SOX6: variants seen among roughly 807,000 people sequenced by gnomAD.
The protein encoded by SOX6 is transcription factor SOX-6.
In SOX6, 11 loss-of-function variants were observed where a neutral mutation model predicts 97.8. The observed-to-expected ratio is 0.11, with a 90% CI of 0.07 to 0.19. SOX6 has a LOEUF of 0.19. Ranked by LOEUF, SOX6 falls within the 10% of genes least tolerant of loss-of-function variation. SOX6 has a pLI of 1.00. For missense variants in SOX6, 810 were observed against 1,039.5 expected, an observed-to-expected ratio of 0.78 and a Z score of 3.04; for synonymous variants, 360 against 371.4, an observed-to-expected ratio of 0.97 and a Z score of 0.35.
chr11:16,683,038 G>T (rs1371550771), intron 3 of SOX6, among the ~76,000 whole-genome samples: 1 of 152,160 alleles, frequency 6.6e-6, no homozygotes, highest in Non-Finnish European at 1.5e-5. Flanking sequence ...GGATGTGAAG[G>T]ACCTCTTCAA....
intron 4 of SOX6, among the ~76,000 whole-genome samples, chr11:16,482,860 A>C (rs977153334): frequency 1.3e-5 from 2 of 152,198 alleles, no homozygotes; most frequent in Non-Finnish European, 2.9e-5. Context: ...AATGCTTTTA[A>C]GTGAAACTGC....
intron 13 of SOX6, among the ~76,000 whole-genome samples, chr11:16,011,942 T>C (rs1472129272): frequency 6.6e-6 from 1 of 152,060 alleles, no homozygotes; most frequent in African/African-American, 2.4e-5. Context: ...TTCTCCATGA[T>C]AATTATGTAT....
At chr11:16,117,407 G>A (rs182922176) in intron 6 of SOX6, among the ~76,000 whole-genome samples, 89 of 152,064 alleles carry the variant, frequency 5.9e-4, no homozygotes, top group South Asian at 5.0e-3. Context: ...CAAAGGCAAC[G>A]AGGGTCTATC....
At chr11:16,524,389 C>A in intron 4 of SOX6, among the ~76,000 whole-genome samples, 1 of 152,026 alleles carries the variant, frequency 6.6e-6, no homozygotes, top group Admixed American at 6.6e-5. Context: ...ACATGATTAT[C>A]TCAATAGATG....
chr11:16,673,639 G>A (rs1847863197), intron 3 of SOX6, among the ~76,000 whole-genome samples: 1 of 152,146 alleles, frequency 6.6e-6, no homozygotes, highest in Non-Finnish European at 1.5e-5. Context: ...CCCAGAACCT[G>A]ATGGCTTCAC....
intron 6 of SOX6, among the ~76,000 whole-genome samples, chr11:16,148,477 C>T (rs985332500): frequency 2.0e-5 from 3 of 152,050 alleles, no homozygotes; most frequent in South Asian, 2.1e-4. Flanking sequence ...CACCCAATGA[C>T]GGGCAAGAAT....
intron 1 of SOX6, among the ~76,000 whole-genome samples, chr11:16,365,071 C>T (rs542542113): frequency 9.2e-5 from 14 of 152,150 alleles, no homozygotes; most frequent in Admixed American, 1.3e-4. Flanking sequence ...TTAAGAGACA[C>T]GTTCACATAA....
chr11:16,568,864 C>G (rs541274214), intron 4 of SOX6, among the ~76,000 whole-genome samples: 1 of 152,158 alleles, frequency 6.6e-6, no homozygotes, highest in East Asian at 1.9e-4. Flanking sequence ...TTCACTTCTA[C>G]CTTTCTTCCT....
chr11:16,330,914 A>G (rs1856271528), intron 2 of SOX6, among the ~76,000 whole-genome samples: 1 of 152,032 alleles, frequency 6.6e-6, no homozygotes, highest in South Asian at 2.1e-4. Context: ...GCCCCCAGAT[A>G]AAAAAAGAAA....
At chr11:16,679,696 T>C (rs1024060537) in intron 3 of SOX6, among the ~76,000 whole-genome samples, 3 of 152,106 alleles carry the variant, frequency 2.0e-5, no homozygotes, top group African/African-American at 7.2e-5. Flanking sequence ...TTCTAACCCA[T>C]CACAAGGAAG....
intron 1 of SOX6, among the ~76,000 whole-genome samples, chr11:16,345,339 C>T (rs1417131690): frequency 6.6e-6 from 1 of 151,912 alleles, no homozygotes; most frequent in East Asian, 1.9e-4. Flanking sequence ...ACACATAAAA[C>T]TAAATTCCCA....
At chr11:16,620,171 T>G (rs4756856) in intron 3 of SOX6, among the ~76,000 whole-genome samples, 50,772 of 152,116 alleles carry the variant, frequency 0.33, 9,426 homozygotes, top group Non-Finnish European at 0.42. Context: ...AAGGAGAAAT[T>G]TGTAAAACTA....
intron 12 of SOX6, among the ~76,000 whole-genome samples, chr11:16,022,351 C>CTTCT: frequency 6.9e-6 from 1 of 145,958 alleles, no homozygotes; most frequent in African/African-American, 2.6e-5. Context: ...TCCTTCCTTC[C>CTTCT]TTCCTTCCTT....
chr11:16,379,126 A>G (rs1857729961), intron 1 of SOX6, among the ~76,000 whole-genome samples: 1 of 152,094 alleles, frequency 6.6e-6, no homozygotes, highest in Non-Finnish European at 1.5e-5. Flanking sequence ...TGACTCCAAA[A>G]TCTATACTAC....
chr11:16,718,092 C>T (rs1201175490), intron 2 of SOX6, among the ~76,000 whole-genome samples: 1 of 151,358 alleles, frequency 6.6e-6, no homozygotes, highest in African/African-American at 2.4e-5. Context: ...TTCTTTAGTC[C>T]TTGAAAGGGC....
At chr11:16,398,708 T>C (rs1858440849) in intron 1 of SOX6, among the ~76,000 whole-genome samples, 1 of 151,260 alleles carries the variant, frequency 6.6e-6, no homozygotes, top group Admixed American at 6.6e-5. Flanking sequence ...TATCCTGTTT[T>C]ATGTATTTCT....
chr11:16,186,973 A>C lies in SOX6; in HGVS notation c.536-18T>G. 4 of 1,613,630 alleles carry C rather than the reference A, an allele frequency of 2.5e-6. No individual in the cohort carries two copies. The highest frequency in any genetic ancestry group is 3.4e-6 in the Non-Finnish European group (4 of 1,179,700). Reference sequence around the variant, plus strand: ...AGGTGTACCTAAAATGGAAGCAAGAAGAGATCTCACAAGCTTGAGAAATAC... The same window carrying C: ...AGGTGTACCTAAAATGGAAGCAAGACGAGATCTCACAAGCTTGAGAAATAC... On this transcript the variant is annotated intron_variant, in intron 4 of 15. Coordinates refer to ENST00000683767, the MANE Select transcript of SOX6 (RefSeq NM_001367873.1).
At chr11:16,013,723 C>T (rs1189884597) in intron 13 of SOX6, among the ~76,000 whole-genome samples, 2 of 145,890 alleles carry the variant, frequency 1.4e-5, no homozygotes, top group Non-Finnish European at 3.0e-5. Context: ...TATCATCAAA[C>T]ATTAGTCTTT....
At chr11:16,138,576 T>C (rs7935396) in intron 6 of SOX6, among the ~76,000 whole-genome samples, 2 of 151,800 alleles carry the variant, frequency 1.3e-5, no homozygotes, top group Non-Finnish European at 2.9e-5. Flanking sequence ...ATACTTTAAG[T>C]TTTAGGGTAC....
Sources: allele counts gnomAD v4.1 joint callset (sites outside exome capture counted in the v4.1 genomes callset), GRCh38; gene constraint gnomAD v4.1.1; transcripts MANE v1.5; gene names NCBI Gene and HGNC (gene_info 2026-07-23, HGNC 2026-07-21).